Variants in SAMD8 observed in about 807,000 individuals in gnomAD.
SAMD8 encodes the protein sterile alpha motif domain containing 8, also known as sphingomyelin synthase-related protein 1.
In SAMD8, 20 loss-of-function variants were observed where a neutral mutation model predicts 42.0. The ratio of observed to expected loss-of-function variants is 0.48; its 90% CI spans 0.34 to 0.69. The LOEUF (loss-of-function observed/expected upper bound fraction) is 0.69. Ranked by LOEUF, SAMD8 falls within the 30% of genes least tolerant of loss-of-function variation. The pLI is 0.01. For missense variants in SAMD8, 328 were observed against 511.6 expected (o/e 0.64, Z 3.46); for synonymous variants, 162 against 173.0 (o/e 0.94, Z 0.50).
Position 75,176,341 on chromosome 10 carries a change from A to G in SAMD8, c.944-47A>G, listed in dbSNP as rs1402538946. 5.7e-6 allele frequency: 9 copies of G among 1,588,922 alleles called. No individual in the cohort carries two copies. Among genetic ancestry groups the G allele is most frequent in the Non-Finnish European group, 7.7e-6 (9 of 1,167,922 alleles). On this transcript the variant is annotated intron_variant, in intron 5 of 5. Transcript: ENST00000542569. The surrounding 1 kb of genome is among the most constrained non-coding windows in gnomAD (Gnocchi z 4.3). ...GACCTGAGAAACGTGACTGAGAAGC[A>G]TTGGAAGGAATGTAGCTTTAAAATG... is the stretch of plus-strand genomic sequence containing the variant.
intron 1 of SAMD8, 130 bp downstream of exon 1, chr10:75,111,852 T>TGAGGGAACCGGGATA: frequency 9.0e-7 from 1 of 1,107,720 alleles, no homozygotes; most frequent in Non-Finnish European, 1.1e-6. Context: ...GGGAGACGGT[T>TGAGGGAACCGGGATA]GAGGGAACCG....
chr10:75,158,851 A>G (rs1840483390), intron 2 of SAMD8, among the ~76,000 whole-genome samples: 1 of 151,998 alleles, frequency 6.6e-6, no homozygotes, highest in Non-Finnish European at 1.5e-5. Flanking sequence ...TCAGCATAAT[A>G]TTTTCAAGAT....
chr10:75,102,068 C>A, intron 1 of SAMD8: 1 of 775,994 alleles, frequency 1.3e-6, no homozygotes, highest in Non-Finnish European at 1.9e-6. Context: ...TGGCCAGTGC[C>A]AAGCACAGTC....
Position 75,126,382 on chromosome 10 carries a change from A to G in SAMD8, c.-16+14660A>G, listed in dbSNP as rs1304911179. ...CTAGACTGTAGAATCATTGAGAGCA[A>G]GATCTGATTCAGATTCATTTGGATG... On this transcript the variant is annotated intron_variant, in intron 1 of 5. Transcript: ENST00000542569. Among the ~76,000 whole-genome samples, 3 of 152,154 alleles carry G rather than the reference A, an allele frequency of 2.0e-5. No homozygotes were observed. In the East Asian group the frequency reaches 5.8e-4, roughly 29 times the overall value.
chr10:75,180,849 T>G lies in SAMD8; in HGVS notation c.*4157T>G, dbSNP rs959578459. On this transcript the variant is annotated 3_prime_UTR_variant, in exon 6 of 6. Transcript: ENST00000542569. ...TGTTTGGAAAGTATTACTCATGTAT[T>G]CACAAAGTCATATTTATAACACTAG... The G allele has an allele frequency of 8.5e-5, 13 of 152,226 alleles. No homozygotes were observed. Among genetic ancestry groups the G allele is most frequent in the African/African-American group, 3.1e-4 (13 of 41,464 alleles). The allele number at this position is 152,226 out of a possible 1,614,324, so 9.4% of individuals were successfully genotyped here. A position where few individuals can be genotyped will look rare whatever the true frequency, so the allele number is the denominator to read the frequency against.
At chr10:75,120,940 C>A (rs982078686) in intron 1 of SAMD8, among the ~76,000 whole-genome samples, 5 of 151,928 alleles carry the variant, frequency 3.3e-5, no homozygotes, top group Non-Finnish European at 5.9e-5. Context: ...ACCACCACAC[C>A]TGGCTAATTT....
At chr10:75,124,383 C>T (rs771249229) in intron 1 of SAMD8, among the ~76,000 whole-genome samples, 2 of 152,202 alleles carry the variant, frequency 1.3e-5, no homozygotes, top group African/African-American at 2.4e-5. Context: ...GAGGCCAAGA[C>T]GGGCAGATCA....
intron 1 of SAMD8, among the ~76,000 whole-genome samples, chr10:75,141,349 G>A (rs1589952971): frequency 6.9e-6 from 1 of 145,544 alleles, no homozygotes; most frequent in Admixed American, 6.9e-5. Flanking sequence ...GTGACACCCT[G>A]TCTCAAAAAA....
At chr10:75,132,290 A>C (rs1450362401) in intron 1 of SAMD8, among the ~76,000 whole-genome samples, 2 of 152,190 alleles carry the variant, frequency 1.3e-5, no homozygotes, top group African/African-American at 4.8e-5. Context: ...CTGATTATTA[A>C]ATCAGCCTCC....
chr10:75,166,952 T>C (rs1263910140), intron 3 of SAMD8, among the ~76,000 whole-genome samples: 1 of 152,192 alleles, frequency 6.6e-6, no homozygotes, highest in Non-Finnish European at 1.5e-5. Flanking sequence ...AGGTTCCATC[T>C]CAGGAGTGCA....
At chr10:75,140,687 C>A (rs1350467061) in intron 1 of SAMD8, among the ~76,000 whole-genome samples, 2 of 152,100 alleles carry the variant, frequency 1.3e-5, no homozygotes, top group Non-Finnish European at 2.9e-5. Context: ...GGTAAGCTTA[C>A]GGTAATTTGT....
rs1032755761 is a variant in SAMD8 at position 75,180,850 on chromosome 10, C to G, written c.*4158C>G. 1 of 152,150 alleles carries G rather than the reference C, an allele frequency of 6.6e-6. No individual in the cohort carries two copies. Among genetic ancestry groups the G allele is most frequent in the African/African-American group, 2.4e-5 (1 of 41,424 alleles). The allele number at this position is 152,150 out of a possible 1,614,324, so 9.4% of individuals were successfully genotyped here. A position where few individuals can be genotyped will look rare whatever the true frequency, so the allele number is the denominator to read the frequency against. ...GTTTGGAAAGTATTACTCATGTATT[C>G]ACAAAGTCATATTTATAACACTAGT... On this transcript the variant is annotated 3_prime_UTR_variant, in exon 6 of 6. Coordinates refer to ENST00000542569, the MANE Select transcript of SAMD8 (RefSeq NM_001174156.2).
chr10:75,103,612 T>C (rs1848313259), intron 1 of SAMD8, among the ~76,000 whole-genome samples: 1 of 152,220 alleles, frequency 6.6e-6, no homozygotes, highest in Non-Finnish European at 1.5e-5. Flanking sequence ...ACCTTGATAC[T>C]ACTCCCCGCT....
At chr10:75,149,078 A>G (rs1217675844) in intron 1 of SAMD8, among the ~76,000 whole-genome samples, 8 of 152,122 alleles carry the variant, frequency 5.3e-5, no homozygotes, top group Non-Finnish European at 1.5e-5. Context: ...AAGTTTGCCT[A>G]CCATTTTTAA....
chr10:75,146,334 G>T (rs2134471324), intron 1 of SAMD8, among the ~76,000 whole-genome samples: 1 of 141,362 alleles, frequency 7.1e-6, no homozygotes, highest in Non-Finnish European at 1.5e-5. Context: ...GCCCAGGCTG[G>T]AGTGCAATGG....
intron 3 of SAMD8, among the ~76,000 whole-genome samples, chr10:75,166,600 T>A (rs1432075790): frequency 1.3e-5 from 2 of 152,142 alleles, no homozygotes; most frequent in Admixed American, 6.6e-5. Flanking sequence ...ACTATTCTTA[T>A]CATACTTTTA....
intron 1 of SAMD8, among the ~76,000 whole-genome samples, chr10:75,135,376 C>T (rs1849370233): frequency 6.6e-6 from 1 of 151,058 alleles, no homozygotes; most frequent in Non-Finnish European, 1.5e-5. Context: ...TCGCTTGAAC[C>T]CGGGAGGCAG....
At chr10:75,120,649 G>A (rs1456850827) in intron 1 of SAMD8, among the ~76,000 whole-genome samples, 3 of 151,968 alleles carry the variant, frequency 2.0e-5, no homozygotes, top group African/African-American at 4.8e-5. Context: ...ATGTTAAGTC[G>A]TTATATGAGC....
At chr10:75,119,610 CTGCACACACA>C (rs1335753456) in intron 1 of SAMD8, among the ~76,000 whole-genome samples, 1 of 152,164 alleles carries the variant, frequency 6.6e-6, no homozygotes, top group African/African-American at 2.4e-5. Flanking sequence ...TGATGATTTT[CTGCACACACA>C]TGCACACACA....
Sources: allele counts gnomAD v4.1 joint callset (sites outside exome capture counted in the v4.1 genomes callset), GRCh38; gene constraint gnomAD v4.1.1; non-coding constraint Gnocchi (gnomAD v3.1); transcripts MANE v1.5; gene names NCBI Gene and HGNC (gene_info 2026-07-23, HGNC 2026-07-21).